RBPJ: variants seen among roughly 807,000 people sequenced by gnomAD.
RBPJ encodes the protein recombination signal binding protein for immunoglobulin kappa J region.
RBPJ carries 9 observed loss-of-function variants against 67.8 expected under a neutral mutation model. The observed-to-expected ratio is 0.13, with a 90% CI of 0.08 to 0.23. The LOEUF (loss-of-function observed/expected upper bound fraction) is 0.23. Ranked by LOEUF, RBPJ falls within the 10% of genes least tolerant of loss-of-function variation. RBPJ has a pLI of 1.00. For missense variants in RBPJ, 305 were observed against 595.6 expected, an observed-to-expected ratio of 0.51 and a Z score of 5.08; for synonymous variants, 198 against 203.3, an observed-to-expected ratio of 0.97 and a Z score of 0.22.
chr4:26,326,402 T>C lies in RBPJ; in HGVS notation c.20+5354T>C, dbSNP rs148186700. On this transcript the variant is annotated intron_variant, in intron 1 of 10. Coordinates refer to ENST00000355476, the MANE Select transcript of RBPJ (RefSeq NM_015874.6). ...GTTTAAATTTCACTTTTGTTTTTTATATGATTGGCTGTCAGTGTTTATCAA... is the reference window on the plus strand; with the variant it reads ...GTTTAAATTTCACTTTTGTTTTTTACATGATTGGCTGTCAGTGTTTATCAA... Among the ~76,000 whole-genome samples the C allele has an allele frequency of 2.0e-3, 304 of 152,296 alleles. 1 individual carries two copies. Among genetic ancestry groups the C allele is most frequent in the African/African-American group, 7.1e-3 (294 of 41,568 alleles).
intron 1 of RBPJ, among the ~76,000 whole-genome samples, chr4:26,328,774 G>A (rs1249674712): frequency 6.6e-6 from 1 of 152,126 alleles, no homozygotes; most frequent in Admixed American, 6.6e-5. Flanking sequence ...GACTATAGGT[G>A]TGTGCCACCA....
At chr4:26,240,794 G>A (rs959303958) in intron 1 of RBPJ, among the ~76,000 whole-genome samples, 3 of 152,074 alleles carry the variant, frequency 2.0e-5, no homozygotes, top group Non-Finnish European at 2.9e-5. Context: ...AACTGCCTTC[G>A]TTTTGTGCAA....
chr4:26,321,838 A>G (rs1457322418), intron 1 of RBPJ: 1 of 152,036 alleles, frequency 6.6e-6, no homozygotes, highest in Non-Finnish European at 1.5e-5. Context: ...CGGGGACTCC[A>G]TCTGCTGCTT....
chr4:26,185,171 T>C (rs1717195735), intron 1 of RBPJ, among the ~76,000 whole-genome samples: 1 of 143,486 alleles, frequency 7.0e-6, no homozygotes, highest in Non-Finnish European at 1.5e-5. Flanking sequence ...GATAGTTATG[T>C]TGTTTTGCAT....
At chr4:26,223,417 A>C (rs560201636) in intron 1 of RBPJ, among the ~76,000 whole-genome samples, 1 of 152,360 alleles carries the variant, frequency 6.6e-6, no homozygotes, top group African/African-American at 2.4e-5. Context: ...GGGAACGACC[A>C]ACTTTGCCTG....
intron 1 of RBPJ, among the ~76,000 whole-genome samples, chr4:26,349,820 C>G (rs1171858792): frequency 6.6e-6 from 1 of 152,210 alleles, no homozygotes; most frequent in Non-Finnish European, 1.5e-5. Flanking sequence ...ATTACATCGG[C>G]AGTACTTTGT....
intron 3 of RBPJ, among the ~76,000 whole-genome samples, chr4:26,407,787 A>C (rs1053331220): frequency 1.3e-5 from 2 of 150,870 alleles, no homozygotes; most frequent in East Asian, 2.0e-4. Context: ...TGTAATATGT[A>C]TGTGATTAAA....
chr4:26,335,984 G>A (rs1195542234), intron 1 of RBPJ, among the ~76,000 whole-genome samples: 1 of 152,182 alleles, frequency 6.6e-6, no homozygotes, highest in Non-Finnish European at 1.5e-5. Flanking sequence ...TTGGGGGTTT[G>A]TAGGGGGATC....
At chr4:26,211,829 T>G (rs1277483043) in intron 1 of RBPJ, among the ~76,000 whole-genome samples, 5 of 152,192 alleles carry the variant, frequency 3.3e-5, no homozygotes, top group Non-Finnish European at 7.4e-5. Flanking sequence ...AGGGTCATTA[T>G]AGAAGTAATT....
intron 1 of RBPJ, among the ~76,000 whole-genome samples, chr4:26,290,196 G>A (rs1336761727): frequency 6.7e-5 from 10 of 148,762 alleles, no homozygotes. Flanking sequence ...AAACTTAGCT[G>A]GGCATGGTGG....
intron 1 of RBPJ, among the ~76,000 whole-genome samples, chr4:26,329,953 A>G (rs905824994): frequency 6.6e-5 from 10 of 152,106 alleles, no homozygotes; most frequent in African/African-American, 2.2e-4. Flanking sequence ...CTCAATAAAT[A>G]GGTTCTCCTT....
chr4:26,167,578 C>A (rs1716370302), intron 1 of RBPJ, among the ~76,000 whole-genome samples: 1 of 142,944 alleles, frequency 7.0e-6, no homozygotes, highest in African/African-American at 2.7e-5. Context: ...TATCCTGAGA[C>A]TTTGCTGAAG....
intron 1 of RBPJ, among the ~76,000 whole-genome samples, chr4:26,356,663 G>A (rs1727412034): frequency 1.3e-5 from 2 of 152,006 alleles, no homozygotes. Flanking sequence ...ATTTTGTGTA[G>A]TATTCCATAT....
At position 26,275,905 on chromosome 4, in the gene RBPJ, C is replaced by T. The variant is rs1212786802; in HGVS notation, c.-166-86541C>T. Among the ~76,000 whole-genome samples the T allele has an allele frequency of 3.3e-5, 5 of 150,046 alleles. No individual in the cohort carries two copies. In the South Asian group the frequency reaches 6.6e-4, roughly 20 times the overall value. On this transcript the variant is annotated intron_variant, in intron 1 of 4. Transcript: ENST00000512351. ...CCTCCCAAAGTGCTGGGATTACAGG[C>T]GTGAGCCACCGCAACCGGCCCAAAT...
intron 1 of RBPJ, among the ~76,000 whole-genome samples, chr4:26,277,624 C>T (rs1167726925): frequency 6.6e-6 from 1 of 152,138 alleles, no homozygotes; most frequent in Non-Finnish European, 1.5e-5. Flanking sequence ...CACACAATCT[C>T]GAAGGAGTGG....
At chr4:26,270,361 GAAAGAA>G (rs1488678174) in intron 1 of RBPJ, among the ~76,000 whole-genome samples, 4 of 17,568 alleles carry the variant, frequency 2.3e-4, no homozygotes, top group Non-Finnish European at 4.8e-4. Flanking sequence ...GCAAGAGAAA[GAAAGAA>G]AGAAAGAAAG....
Position 26,424,482 on chromosome 4 carries a change from G to A in RBPJ, c.634+3G>A. 6.2e-7 allele frequency: 1 copy of A among 1,612,904 alleles called. No individual in the cohort carries two copies. The highest frequency in any genetic ancestry group is 8.5e-7 in the Non-Finnish European group (1 of 1,179,610). ...GGGAGCCTTTTTTATTCATCTCTGT[G>A]AGTATAAAAGTGTGCATTTAATGTT... is the stretch of plus-strand genomic sequence containing the variant. On this transcript the variant is annotated splice_donor_region_variant and intron_variant, in intron 6 of 10. Coordinates refer to ENST00000355476, the MANE Select transcript of RBPJ (RefSeq NM_015874.6). This position sits in a 1 kb window ranked among gnomAD's most constrained non-coding sequence, Gnocchi z 5.3.
the RBPJ span, among the ~76,000 whole-genome samples, chr4:26,156,998 C>T: frequency 2.0e-5 from 3 of 151,264 alleles, no homozygotes; most frequent in African/African-American, 7.3e-5. Flanking sequence ...TCACCTGAGC[C>T]CAGGGAGACT....
intron 1 of RBPJ, among the ~76,000 whole-genome samples, chr4:26,250,763 G>T (rs1560229353): frequency 6.6e-6 from 1 of 152,206 alleles, no homozygotes. Context: ...ACATTGGTGT[G>T]CAAGTGTCTG....
Sources: allele counts gnomAD v4.1 joint callset (sites outside exome capture counted in the v4.1 genomes callset), GRCh38; gene constraint gnomAD v4.1.1; non-coding constraint Gnocchi (gnomAD v3.1); transcripts MANE v1.5; gene names NCBI Gene and HGNC (gene_info 2026-07-23, HGNC 2026-07-21).